The following FZD6 variants were observed in gnomAD, a reference collection of about 807,000 sequenced individuals.
The protein encoded by FZD6 is frizzled-6.
A neutral mutation model predicts 61.4 loss-of-function variants in FZD6; 49 were observed. The ratio of observed to expected loss-of-function variants is 0.80; its 90% CI spans 0.63 to 1.01. The LOEUF (loss-of-function observed/expected upper bound fraction) is 1.01. FZD6 is among the 50% of genes least tolerant of loss of function. The pLI is 0.00. For missense variants in FZD6, 724 were observed against 848.2 expected, an observed-to-expected ratio of 0.85 and a Z score of 1.82; for synonymous variants, 265 against 292.2, an observed-to-expected ratio of 0.91 and a Z score of 0.95.
chr8:103,327,165 T>G (rs1335516262), intron 4 of FZD6, among the ~76,000 whole-genome samples: 1 of 152,204 alleles, frequency 6.6e-6, no homozygotes, highest in Non-Finnish European at 1.5e-5. Context: ...CTTACAAATA[T>G]GAGAAATTAA....
Position 103,329,900 on chromosome 8 carries a change from C to A in FZD6, c.1787C>A (p.Ser596Ter). The change falls in exon 6 of 7, where the codon TCA becomes TAA. Residue 596 changes from serine (S) to a stop codon, truncating the protein, a stop_gained. Coordinates refer to ENST00000358755, the MANE Select transcript of FZD6 (RefSeq NM_003506.4). LOFTEE classifies it high-confidence loss of function. Reference protein sequence around the residue: ...LTEIQTSPETSMREVKADGAS... With the variant: ...LTEIQTSPET ...GAAATCCAAACCTCACCAGAAACAT[C>A]AATGAGAGAGGTGAAAGCGGACGGA... is the stretch of plus-strand genomic sequence containing the variant. 1 of 1,614,122 alleles carries A rather than the reference C, an allele frequency of 6.2e-7. No individual in the cohort carries two copies. The highest frequency in any genetic ancestry group is 8.5e-7 in the Non-Finnish European group (1 of 1,180,012).
intron 2 of FZD6, among the ~76,000 whole-genome samples, chr8:103,306,706 C>T (rs1814342153): frequency 6.6e-6 from 1 of 151,784 alleles, no homozygotes; most frequent in Non-Finnish European, 1.5e-5. Context: ...GGGGTTTAAC[C>T]ATGTTAGCCA....
chr8:103,328,477 A>G, intron 5 of FZD6, 61 bp downstream of exon 5: 1 of 1,261,796 alleles, frequency 7.9e-7, no homozygotes, highest in South Asian at 1.2e-5. Flanking sequence ...ATACCAAGGA[A>G]CTGTTCAAAT....
chr8:103,302,494 A>G (rs1446131583), intron 2 of FZD6, among the ~76,000 whole-genome samples: 1 of 152,204 alleles, frequency 6.6e-6, no homozygotes, highest in Non-Finnish European at 1.5e-5. Context: ...ACCCTTCATT[A>G]TACAGATGAA....
chr8:103,327,708 G>GTACA (rs1451513828), intron 4 of FZD6, among the ~76,000 whole-genome samples: 1 of 152,174 alleles, frequency 6.6e-6, no homozygotes, highest in Non-Finnish European at 1.5e-5. Flanking sequence ...TGCAGAGTAT[G>GTACA]TAATATCGTG....
rs1210328421 is a variant in FZD6, at chr8:103,324,690, T to C, written c.584T>C (p.Leu195Pro). 6.2e-7 allele frequency: 1 copy of C among 1,613,948 alleles called. No individual in the cohort carries two copies. Among genetic ancestry groups the C allele is most frequent in the Non-Finnish European group, 8.5e-7 (1 of 1,179,900 alleles). ...CPNMYFKSDE[L>P]EFAKSFIGTV... ...AACATGTATTTTAAAAGTGATGAGC[T>C]AGAGTTTGCAAAAAGTTTTATTGGA... Residue 195 changes from leucine to proline, a missense_variant, in exon 4 of 7, where the codon CTA becomes CCA. Physicochemically the swap from Leu to Pro is moderately conservative, Grantham distance 98. Coordinates refer to ENST00000358755, the MANE Select transcript of FZD6 (RefSeq NM_003506.4).
At position 103,332,655 on chromosome 8, in the gene FZD6, G is replaced by C. The variant is rs899524179; in HGVS notation, c.*1146G>C. 3 of 152,432 alleles carry C rather than the reference G, an allele frequency of 2.0e-5. No homozygotes were observed. The highest frequency in any genetic ancestry group is 7.2e-5 in the African/African-American group (3 of 41,390). The allele number at this position is 152,432 out of a possible 1,614,324, so 9.4% of individuals were successfully genotyped here. On this transcript the variant is annotated 3_prime_UTR_variant, in exon 7 of 7. Coordinates refer to ENST00000358755, the MANE Select transcript of FZD6 (RefSeq NM_003506.4). ...TTTCCTATTAAGTATTATTCTTTGG[G>C]CAAGATTTTCTGATGCTTTTGATTT...
chr8:103,304,962 T>C (rs1393944168), intron 2 of FZD6, among the ~76,000 whole-genome samples: 1 of 152,268 alleles, frequency 6.6e-6, no homozygotes, highest in Non-Finnish European at 1.5e-5. Context: ...CTAATTTTAT[T>C]ATGTGAACCT....
At chr8:103,317,814 A>G (rs1435520678) in intron 2 of FZD6, among the ~76,000 whole-genome samples, 1 of 108,930 alleles carries the variant, frequency 9.2e-6, no homozygotes, top group Non-Finnish European at 1.9e-5. Flanking sequence ...CAACAGAGCA[A>G]GACTCTGTCT....
chr8:103,327,104 A>G (rs1814973566), intron 4 of FZD6, among the ~76,000 whole-genome samples: 2 of 152,256 alleles, frequency 1.3e-5, no homozygotes, highest in African/African-American at 4.8e-5. Context: ...GTACAGATGT[A>G]TAATGTGTGT....
chr8:103,315,894 G>A, intron 2 of FZD6, among the ~76,000 whole-genome samples: 1 of 152,166 alleles, frequency 6.6e-6, no homozygotes, highest in East Asian at 1.9e-4. Context: ...TCTTTGAACT[G>A]TTTTAGGTGT....
At chr8:103,320,795 G>A (rs1410387796) in intron 3 of FZD6, among the ~76,000 whole-genome samples, 13 of 152,192 alleles carry the variant, frequency 8.5e-5, no homozygotes, top group East Asian at 5.8e-4. Context: ...CTAAAGAGCC[G>A]AGAAGCCAGA....
intron 2 of FZD6, among the ~76,000 whole-genome samples, chr8:103,315,862 G>C (rs1203403610): frequency 6.6e-6 from 1 of 152,154 alleles, no homozygotes; most frequent in Non-Finnish European, 1.5e-5. Context: ...CCATATCCCA[G>C]TCCTGCCCTT....
chr8:103,301,205 T>C (rs1264457237), intron 2 of FZD6, among the ~76,000 whole-genome samples: 2 of 152,222 alleles, frequency 1.3e-5, no homozygotes, highest in Non-Finnish European at 1.5e-5. Context: ...TGAATAGTTG[T>C]CTGACTGCCT....
At chr8:103,318,114 GA>G (rs1487268788) in intron 2 of FZD6, among the ~76,000 whole-genome samples, 1 of 152,192 alleles carries the variant, frequency 6.6e-6, no homozygotes, top group Admixed American at 6.5e-5. Flanking sequence ...AGTAGAGATA[GA>G]GAAGAGGTCT....
At position 103,332,312 on chromosome 8, in the gene FZD6, G is replaced by A. The variant is rs756095977; in HGVS notation, c.*803G>A. The A allele has an allele frequency of 6.6e-6, 1 of 152,144 alleles. No individual in the cohort carries two copies. 9.4% of individuals were successfully genotyped at this position (152,144 alleles called of 1,614,324 possible). A position where few individuals can be genotyped will look rare whatever the true frequency, so the allele number is the denominator to read the frequency against. On this transcript the variant is annotated 3_prime_UTR_variant, in exon 7 of 7. Transcript: ENST00000358755. Reference sequence around the variant, plus strand: ...CAAAATGTTAGTCTTTTGTATATTAGGCCAAGTGCAATTGACTTCCCTTTT... The same window carrying A: ...CAAAATGTTAGTCTTTTGTATATTAAGCCAAGTGCAATTGACTTCCCTTTT...
chr8:103,329,151 G>A lies in FZD6; in HGVS notation c.1542-504G>A, dbSNP rs368266860. Among the ~76,000 whole-genome samples the A allele has an allele frequency of 6.7e-5, 10 of 150,202 alleles. No individual in the cohort carries two copies. The East Asian group carries it at 7.8e-4, about 12-fold the overall frequency. On this transcript the variant is annotated intron_variant, in intron 5 of 6. Transcript: ENST00000358755. ...ATAAGTTTCTGAAGTCTGAAGAATC[G>A]TATTCAACTGGATTTTTTTGCACTA...
chr8:103,306,610 C>T (rs1431148415), intron 2 of FZD6, among the ~76,000 whole-genome samples: 1 of 144,740 alleles, frequency 6.9e-6, no homozygotes, highest in Non-Finnish European at 1.5e-5. Context: ...TCACGCCATT[C>T]TCCTGCCTCA....
intron 2 of FZD6, among the ~76,000 whole-genome samples, chr8:103,311,244 A>G (rs1430802603): frequency 6.6e-6 from 1 of 152,188 alleles, no homozygotes; most frequent in Non-Finnish European, 1.5e-5. Flanking sequence ...TTCCTCAAAT[A>G]ATCTGACTAT....
Sources: allele counts gnomAD v4.1 joint callset (sites outside exome capture counted in the v4.1 genomes callset), GRCh38; gene constraint gnomAD v4.1.1; transcripts MANE v1.5; gene names NCBI Gene and HGNC (gene_info 2026-07-23, HGNC 2026-07-21).